Variants in OXCT1 observed in about 807,000 individuals in gnomAD.
The protein encoded by OXCT1 is 3-oxoacid CoA-transferase 1.
In OXCT1, 27 loss-of-function variants were observed where a neutral mutation model predicts 69.6. The ratio of observed to expected loss-of-function variants is 0.39; its 90% CI spans 0.29 to 0.54. The LOEUF (loss-of-function observed/expected upper bound fraction) is 0.54, where lower values mean the gene tolerates loss of function less well. Among genes scored for constraint, OXCT1 ranks in the 20% least tolerant of loss-of-function variants. The pLI is 0.72. For synonymous variants in OXCT1, 202 were observed against 217.8 expected (o/e 0.93, Z 0.64); for missense variants, 437 against 650.2 (o/e 0.67, Z 3.57).
intron 4 of OXCT1, among the ~76,000 whole-genome samples, chr5:41,853,027 C>T (rs968208405): frequency 2.0e-5 from 3 of 152,004 alleles, no homozygotes; most frequent in Non-Finnish European, 2.9e-5. Flanking sequence ...GCCGAGATCA[C>T]ACCGCCGCAC....
rs563571012 is a variant in OXCT1 at position 41,811,421 on chromosome 5, A to G, written c.733-3983T>C. Among the ~76,000 whole-genome samples, 41 of 152,172 alleles carry G rather than the reference A, an allele frequency of 2.7e-4. 1 individual carries two copies. In the South Asian group the frequency reaches 7.9e-3, roughly 29 times the overall value. On this transcript the variant is annotated intron_variant, in intron 7 of 16. Transcript: ENST00000196371. ...ATTATCACAGGTACCCTGAAAACAT[A>G]CAGGTCTATCATGTATCAAAAAAGA...
At chr5:41,797,641 C>T (rs1013766842) in intron 11 of OXCT1, among the ~76,000 whole-genome samples, 19 of 152,192 alleles carry the variant, frequency 1.2e-4, no homozygotes, top group Non-Finnish European at 1.9e-4. Context: ...CTTTGGCTCA[C>T]GATTTAACAG....
intron 7 of OXCT1, among the ~76,000 whole-genome samples, chr5:41,809,839 A>T (rs1746876095): frequency 6.6e-6 from 1 of 152,102 alleles, no homozygotes; most frequent in South Asian, 2.1e-4. Context: ...AACTCCGATA[A>T]GCAAGAATCT....
chr5:41,832,164 C>T (rs1478767914), intron 7 of OXCT1, among the ~76,000 whole-genome samples: 1 of 152,172 alleles, frequency 6.6e-6, no homozygotes, highest in Non-Finnish European at 1.5e-5. Flanking sequence ...TATTGTAGAG[C>T]CCTAGGGCCT....
intron 1 of OXCT1, among the ~76,000 whole-genome samples, chr5:41,864,569 T>C: frequency 6.6e-6 from 1 of 152,194 alleles, no homozygotes; most frequent in East Asian, 1.9e-4. Context: ...GATCGTAAGA[T>C]AAAGTTGAGG....
At chr5:41,781,942 T>C (rs1341465773) in intron 13 of OXCT1, among the ~76,000 whole-genome samples, 3 of 152,128 alleles carry the variant, frequency 2.0e-5, no homozygotes, top group African/African-American at 4.8e-5. Context: ...TATAACAGAA[T>C]GATTTATGTT....
In OXCT1 at chr5:41,805,660, C is replaced by T; in HGVS notation, c.862G>A (p.Gly288Arg). ...TTAGCAGATTTGGCTTCCCCATCTCCCTCTTTCCGGATTGATAAACGCTTT... is the reference window on the plus strand; with the variant it reads ...TTAGCAGATTTGGCTTCCCCATCTCTCTCTTTCCGGATTGATAAACGCTTT... Reference protein sequence around the residue: ...RIERLSIRKEGDGEAKSAKPG... With the variant: ...RIERLSIRKERDGEAKSAKPG... The change falls in exon 9 of 17, where the codon GGA becomes AGA. Residue 288 changes from glycine to arginine, a missense_variant. Physicochemically the swap from Gly to Arg is moderately radical, Grantham distance 125. Coordinates refer to ENST00000196371, the MANE Select transcript of OXCT1 (RefSeq NM_000436.4). 1.2e-6 allele frequency: 2 copies of T among 1,610,612 alleles called. No individual in the cohort carries two copies. Among genetic ancestry groups the T allele is most frequent in the African/African-American group, 1.3e-5 (1 of 74,908 alleles).
chr5:41,742,788 T>G (rs1242420673), intron 15 of OXCT1, among the ~76,000 whole-genome samples: 1 of 152,194 alleles, frequency 6.6e-6, no homozygotes, highest in Non-Finnish European at 1.5e-5. Context: ...TTCATCCATA[T>G]CCCTACAAAG....
intron 5 of OXCT1, among the ~76,000 whole-genome samples, chr5:41,843,344 C>T (rs1420703811): frequency 1.3e-5 from 2 of 152,044 alleles, no homozygotes; most frequent in Non-Finnish European, 2.9e-5. Flanking sequence ...AGGTTTTCTT[C>T]GACCTCCTTC....
At chr5:41,806,430 A>G (rs770614431) in intron 8 of OXCT1, among the ~76,000 whole-genome samples, 1 of 152,052 alleles carries the variant, frequency 6.6e-6, no homozygotes, top group Non-Finnish European at 1.5e-5. Flanking sequence ...GATGATTTAG[A>G]TATGTGTCCC....
intron 16 of OXCT1, among the ~76,000 whole-genome samples, chr5:41,732,573 T>C (rs963099901): frequency 1.3e-5 from 2 of 152,210 alleles, no homozygotes; most frequent in Non-Finnish European, 2.9e-5. Context: ...GATTGGGTTC[T>C]AGTTAGTAAC....
intron 3 of OXCT1, among the ~76,000 whole-genome samples, chr5:41,858,437 A>T (rs1424820716): frequency 6.6e-6 from 1 of 152,192 alleles, no homozygotes; most frequent in African/African-American, 2.4e-5. Context: ...CTTTAATACT[A>T]AAGACAATGC....
intron 7 of OXCT1, among the ~76,000 whole-genome samples, chr5:41,837,784 T>C (rs572847789): frequency 4.6e-5 from 7 of 152,282 alleles, no homozygotes; most frequent in Middle Eastern, 6.8e-3. Flanking sequence ...GTAGACAGCC[T>C]GGAATCAGTT....
At chr5:41,740,842 C>G (rs900357823) in intron 15 of OXCT1, among the ~76,000 whole-genome samples, 1 of 152,162 alleles carries the variant, frequency 6.6e-6, no homozygotes, top group East Asian at 1.9e-4. Flanking sequence ...TACCCTCTTT[C>G]AGTTCTCATG....
intron 7 of OXCT1, among the ~76,000 whole-genome samples, chr5:41,839,270 G>T (rs1004516786): frequency 6.6e-6 from 1 of 152,192 alleles, no homozygotes; most frequent in Admixed American, 6.5e-5. Context: ...CCAGGATAAT[G>T]CATAACGCCC....
intron 14 of OXCT1, among the ~76,000 whole-genome samples, chr5:41,750,135 G>GT (rs11291155): frequency 0.17 from 12,654 of 74,176 alleles, 887 homozygotes; most frequent in Non-Finnish European, 0.21. Flanking sequence ...GTGTTTTTTG[G>GT]TTTTTTTTTT....
intron 3 of OXCT1, among the ~76,000 whole-genome samples, chr5:41,859,083 T>C (rs1369652412): frequency 6.6e-6 from 1 of 152,184 alleles, no homozygotes; most frequent in East Asian, 1.9e-4. Context: ...CTGCCCGGGG[T>C]GTGAATCCTC....
At chr5:41,841,070 T>C (rs1748604705) in intron 6 of OXCT1, among the ~76,000 whole-genome samples, 1 of 152,188 alleles carries the variant, frequency 6.6e-6, no homozygotes, top group South Asian at 2.1e-4. Flanking sequence ...TTTTTGGAAG[T>C]ATAACACCCA....
At chr5:41,794,591 T>G (rs1579751148) in intron 12 of OXCT1, 86 bp downstream of exon 12, 13 of 1,216,872 alleles carry the variant, frequency 1.1e-5, no homozygotes, top group Non-Finnish European at 1.2e-6. Flanking sequence ...AATGTGGCTG[T>G]GTTTCAGAGC....
Sources: gnomAD v4.1 joint callset for allele counts (sites outside exome capture counted in the v4.1 genomes callset) on GRCh38, gnomAD v4.1.1 for gene constraint, MANE v1.5 for transcripts, NCBI Gene and HGNC (gene_info 2026-07-23, HGNC 2026-07-21) for gene names.